Variants in TTC12 observed in about 807,000 individuals in gnomAD.
TTC12 encodes tetratricopeptide repeat domain 12.
TTC12 carries 70 observed loss-of-function variants against 90.1 expected under a neutral mutation model. The observed-to-expected ratio is 0.78, with a 90% CI of 0.64 to 0.95. The LOEUF is 0.95. Ranked by LOEUF, TTC12 falls within the 40% of genes least tolerant of loss-of-function variation. The probability of loss-of-function intolerance (pLI) is 0.00; values close to 1 mark genes in which losing one functional copy is unlikely to be tolerated. For missense variants in TTC12, 819 were observed against 846.1 expected (o/e 0.97, Z 0.40); for synonymous variants, 296 against 311.5 (o/e 0.95, Z 0.53).
At chr11:113,371,155 C>T (rs1078), downstream of TTC12, among the ~76,000 whole-genome samples, 56,361 of 152,006 alleles carry the variant, frequency 0.37, 13,024 homozygotes, top group Non-Finnish European at 0.53. Context: ...CAGGGATCAT[C>T]TAATCCTCTA....
exon 22 of TTC12, chr11:113,373,233 T>C: frequency 2.0e-6 from 2 of 985,414 alleles, no homozygotes; most frequent in Non-Finnish European, 2.4e-6. Context: ...GATTCATCCT[T>C]TCCCTGAAGG....
intron 18 of TTC12, among the ~76,000 whole-genome samples, chr11:113,361,292 G>A (rs782247241): frequency 4.6e-5 from 7 of 152,146 alleles, no homozygotes; most frequent in Non-Finnish European, 7.4e-5. Context: ...AAAGCCATTG[G>A]GGGGGAACAA....
intron 11 of TTC12, 31 bp downstream of exon 11, chr11:113,340,764 C>T (rs1555145765): frequency 6.4e-7 from 1 of 1,566,882 alleles, no homozygotes; most frequent in Admixed American, 1.7e-5. Flanking sequence ...AGCCCAGCAG[C>T]AAAGCAAGGG....
At chr11:113,325,702 C>G in intron 6 of TTC12, 57 bp downstream of exon 6, 1 of 1,598,598 alleles carries the variant, frequency 6.3e-7, no homozygotes, top group Admixed American at 1.8e-5. Context: ...TGCCACTAAA[C>G]TTGGGAAAAC....
At chr11:113,359,872 A>C (rs1949821529) in intron 17 of TTC12, 68 bp from the exon 18 acceptor site, 2 of 1,285,928 alleles carry the variant, frequency 1.6e-6, no homozygotes, top group Admixed American at 2.1e-5. Context: ...TGCTCAGAAG[A>C]AGCTCCGCTG....
Position 113,364,928 on chromosome 11 carries a change from A to T in TTC12, c.1910A>T (p.Asn637Ile). The change falls in exon 21 of 22, where the codon AAC becomes ATC. Residue 637 changes from asparagine to isoleucine, a missense_variant. Coordinates refer to ENST00000529221, the MANE Select transcript of TTC12 (RefSeq NM_017868.4). ...CTTGGTAACTGCATGGAGGTGCCCA[A>T]CGTTGCGTCTTCCCTGCTAAAGACG... The part of the protein sequence containing the change: ...LCLGNCMEVP[N>I]VASSLLKTDL... 6.2e-7 allele frequency: 1 copy of T among 1,614,174 alleles called. No individual in the cohort carries two copies. The highest frequency in any genetic ancestry group is 2.2e-5 in the East Asian group (1 of 44,880).
intron 10 of TTC12, 55 bp downstream of exon 10, chr11:113,339,529 T>A: frequency 6.7e-7 from 1 of 1,493,584 alleles, no homozygotes; most frequent in Non-Finnish European, 9.1e-7. Flanking sequence ...AGGGACACAT[T>A]CAGAGGTCTG....
intron 4 of TTC12, 74 bp from the exon 5 acceptor site, chr11:113,324,531 T>C: frequency 1.5e-6 from 2 of 1,304,734 alleles, no homozygotes; most frequent in Non-Finnish European, 2.2e-6. Context: ...AAGTAACACT[T>C]CGAATTTGAG....
chr11:113,370,974 A>C (rs115307549), downstream of TTC12, among the ~76,000 whole-genome samples: 7,365 of 152,154 alleles, frequency 0.048, 606 homozygotes, highest in African/African-American at 0.17. Flanking sequence ...ACACACCCCC[A>C]CACACACGGA....
At chr11:113,326,666 A>G (rs1284626944) in intron 6 of TTC12, among the ~76,000 whole-genome samples, 1 of 152,202 alleles carries the variant, frequency 6.6e-6, no homozygotes, top group African/African-American at 2.4e-5. Flanking sequence ...AGCAATTTGG[A>G]TATGTTAGAC....
intron 6 of TTC12, 188 bp downstream of exon 6, chr11:113,325,833 A>G (rs1947655129): frequency 1.5e-6 from 1 of 683,726 alleles, no homozygotes; most frequent in Non-Finnish European, 2.3e-6. Flanking sequence ...TATTCTCACC[A>G]TGATCTAATT....
chr11:113,323,102 C>CAAAAA (rs34496236), intron 2 of TTC12, among the ~76,000 whole-genome samples, 186 bp from the exon 3 acceptor site: 1 of 79,446 alleles, frequency 1.3e-5, no homozygotes, highest in African/African-American at 5.1e-5. Flanking sequence ...TTTTTCTAGG[C>CAAAAA]AAAAAAAAAA....
chr11:113,323,597 ATTT>A (rs142060645), intron 3 of TTC12, 146 bp downstream of exon 3: 1 of 515,432 alleles, frequency 1.9e-6, no homozygotes, highest in Non-Finnish European at 3.1e-6. Context: ...ATAAAATTTG[ATTT>A]TTTTTTTCCT....
At chr11:113,363,172 G>A (rs1029671991) in intron 19 of TTC12, among the ~76,000 whole-genome samples, 6 of 152,190 alleles carry the variant, frequency 3.9e-5, no homozygotes, top group East Asian at 1.9e-4. Context: ...CATGCTCTGC[G>A]GGCTGCTGCT....
At chr11:113,333,802 C>T (rs1210230228) in intron 7 of TTC12, among the ~76,000 whole-genome samples, 1 of 152,168 alleles carries the variant, frequency 6.6e-6, no homozygotes, top group African/African-American at 2.4e-5. Flanking sequence ...GCTTCTCCAA[C>T]AATTATTGTT....
Position 113,350,475 on chromosome 11 carries a change from T to A in TTC12, c.1247+310T>A, listed in dbSNP as rs116745285. Reference sequence around the variant, plus strand: ...TTCCTCCCTCCTAATCAGTGCCTGGTACATAGGAGCTGCCCAGCAAATTTG... The same window carrying A: ...TTCCTCCCTCCTAATCAGTGCCTGGAACATAGGAGCTGCCCAGCAAATTTG... On this transcript the variant is annotated intron_variant, in intron 14 of 21. Transcript: ENST00000529221. Among the ~76,000 whole-genome samples, 520 of 152,266 alleles carry A rather than the reference T, an allele frequency of 3.4e-3. 4 individuals are homozygous for A. Among genetic ancestry groups the A allele is most frequent in the African/African-American group, 0.012 (490 of 41,542 alleles).
At chr11:113,359,323 AG>A in intron 16 of TTC12, 39 bp from the exon 17 acceptor site, 1 of 1,388,186 alleles carries the variant, frequency 7.2e-7, no homozygotes, top group Non-Finnish European at 1.0e-6. Context: ...AAAAGCTGTA[AG>A]GCAAAAAGGT....
chr11:113,368,137 C>T (rs1248436278), downstream of TTC12: 9 of 1,318,636 alleles, frequency 6.8e-6, no homozygotes, highest in African/African-American at 1.5e-5. Context: ...GTATTCTCTT[C>T]CCCAAAGAGT....
intron 8 of TTC12, 40 bp downstream of exon 8, chr11:113,335,077 A>AACTGGGAGCATCAGTCTGT: frequency 7.1e-7 from 1 of 1,406,638 alleles, no homozygotes; most frequent in Non-Finnish European, 1.0e-6. Context: ...GTTTGATCAC[A>AACTGGGAGCATCAGTCTGT]GACTGATGCT....
Sources: gnomAD v4.1 joint callset for allele counts (sites outside exome capture counted in the v4.1 genomes callset) on GRCh38, gnomAD v4.1.1 for gene constraint, MANE v1.5 for transcripts, NCBI Gene and HGNC (gene_info 2026-07-23, HGNC 2026-07-21) for gene names.